NTRK1: variants seen among roughly 807,000 people sequenced by gnomAD.
The protein encoded by NTRK1 is high affinity nerve growth factor receptor.
In NTRK1, 62 loss-of-function variants were observed where a neutral mutation model predicts 86.8. The ratio of observed to expected loss-of-function variants is 0.71; its 90% confidence interval spans 0.58 to 0.88. The LOEUF (loss-of-function observed/expected upper bound fraction) is 0.88. Among genes scored for constraint, NTRK1 ranks in the 40% least tolerant of loss-of-function variants. The probability of loss-of-function intolerance (pLI) is 0.00; values close to 1 mark genes in which losing one functional copy is unlikely to be tolerated. For synonymous variants in NTRK1, 469 were observed against 456.6 expected (o/e 1.03, Z -0.35); for missense variants, 967 against 1,078.4 (o/e 0.90, Z 1.45).
At position 156,879,869 on chromosome 1, in the gene NTRK1, A is replaced by G. The variant is rs1648151758; in HGVS notation, c.2047-130A>G. On this transcript the variant is annotated intron_variant, in intron 15 of 16. Transcript: ENST00000524377. ...CGTGATTGCCCACCTCGGCCTCCCA[A>G]AGTGCTGGGATTACAGGCGTGAACC... is the stretch of plus-strand genomic sequence containing the variant. 6 of 1,188,018 alleles carry G rather than the reference A, an allele frequency of 5.1e-6. No individual in the cohort carries two copies. The South Asian group carries it at 7.9e-5, about 16-fold the overall frequency. 73.6% of individuals were successfully genotyped at this position (1,188,018 alleles called of 1,614,324 possible). A position where few individuals can be genotyped will look rare whatever the true frequency, so the allele number is the denominator to read the frequency against.
At chr1:156,857,402 C>G (rs1468849526), upstream of NTRK1, among the ~76,000 whole-genome samples, 2 of 152,170 alleles carry the variant, frequency 1.3e-5, no homozygotes, top group African/African-American at 4.8e-5. Flanking sequence ...AAAAACAAAT[C>G]TAAAACCTTC....
At chr1:156,849,354 G>T in intron 2 of NTRK1, 20 of 1,613,982 alleles carry the variant, frequency 1.2e-5, no homozygotes, top group Non-Finnish European at 1.7e-5. Context: ...CAGAGGCGCG[G>T]GTTGAAGGCG....
chr1:156,867,938 C>T (rs1341697581), intron 4 of NTRK1, among the ~76,000 whole-genome samples, 166 bp from the exon 5 acceptor site: 2 of 152,160 alleles, frequency 1.3e-5, no homozygotes, highest in Non-Finnish European at 2.9e-5. Context: ...CTCCCAATGG[C>T]CTATTTCTTT....
intron 2 of NTRK1, chr1:156,849,138 C>T (rs1268690917): frequency 1.9e-6 from 3 of 1,598,982 alleles, no homozygotes; most frequent in South Asian, 2.2e-5. Flanking sequence ...CCAGTGAGAC[C>T]TCTGAGGAGA....
intron 1 of NTRK1, 40 bp downstream of exon 1, chr1:156,861,186 C>A (rs1390534481): frequency 1.3e-6 from 2 of 1,530,738 alleles, no homozygotes; most frequent in Non-Finnish European, 8.7e-7. Flanking sequence ...CGGGGACAGG[C>A]AGGCATTGCA....
intron 1 of NTRK1, chr1:156,841,061 G>T: frequency 1.3e-6 from 2 of 1,579,992 alleles, no homozygotes; most frequent in South Asian, 2.3e-5. Flanking sequence ...AAAGATGGGC[G>T]CAGGCGTGGG....
intron 8 of NTRK1, 25 bp from the exon 9 acceptor site, chr1:156,874,358 C>A (rs746931295): frequency 6.2e-7 from 1 of 1,614,080 alleles, no homozygotes; most frequent in African/African-American, 1.3e-5. Flanking sequence ...CCTCTGACTG[C>A]TTTCTCTCCT....
chr1:156,852,690 G>A (rs530247319), intron 2 of NTRK1, among the ~76,000 whole-genome samples: 1 of 152,352 alleles, frequency 6.6e-6, no homozygotes, highest in African/African-American at 2.4e-5. Flanking sequence ...AAGCAGCAGT[G>A]GGAGGGTTTG....
chr1:156,848,879 G>T (rs181620408), intron 2 of NTRK1: 54 of 1,541,774 alleles, frequency 3.5e-5, no homozygotes, highest in Non-Finnish European at 4.6e-5. Context: ...AATTGGCCTC[G>T]TCCGGTCCCG....
At chr1:156,823,783 C>A (rs1654249720) in intron 1 of NTRK1, among the ~76,000 whole-genome samples, 1 of 152,198 alleles carries the variant, frequency 6.6e-6, no homozygotes, top group African/African-American at 2.4e-5. Flanking sequence ...GCCACCAAGT[C>A]CACTATGTTG....
chr1:156,857,784 G>T (rs189313593), upstream of NTRK1, among the ~76,000 whole-genome samples: 1 of 152,214 alleles, frequency 6.6e-6, no homozygotes, highest in Admixed American at 6.5e-5. Context: ...GCTTCAGTTT[G>T]GAGGGGAATG....
intron 1 of NTRK1, among the ~76,000 whole-genome samples, chr1:156,817,743 A>G (rs915204277): frequency 6.6e-6 from 1 of 151,634 alleles, no homozygotes; most frequent in African/African-American, 2.4e-5. Context: ...CCCAGGTTCA[A>G]GGGATTCTTG....
chr1:156,862,817 G>C (rs1457020609), intron 1 of NTRK1, among the ~76,000 whole-genome samples: 1 of 152,100 alleles, frequency 6.6e-6, no homozygotes, highest in Middle Eastern at 3.2e-3. Flanking sequence ...GCAGGGGCTG[G>C]GGGGTGGGTA....
At chr1:156,876,282 G>A (rs2102918349) in intron 13 of NTRK1, 72 bp downstream of exon 13, 2 of 1,611,778 alleles carry the variant, frequency 1.2e-6, no homozygotes, top group Non-Finnish European at 8.5e-7. Flanking sequence ...TCAGGACAGA[G>A]TGGGGGGAGA....
Position 156,876,549 on chromosome 1 carries a change from C to G in NTRK1, c.1782C>G (p.His594Gln). 6.2e-7 allele frequency: 1 copy of G among 1,612,976 alleles called. No individual in the cohort carries two copies. Among genetic ancestry groups the G allele is most frequent in the South Asian group, 1.1e-5 (1 of 91,012 alleles). ...TCATGGTCTTTGAGTATATGCGGCA[C>G]GGGGACCTCAACCGCTTCCTCCGGT... is the stretch of plus-strand genomic sequence containing the variant. ...PLLMVFEYMRHGDLNRFLRSH... is the reference protein window; with the variant it reads ...PLLMVFEYMRQGDLNRFLRSH... Residue 594 changes from histidine (H) to glutamine (Q), a missense_variant, in exon 14 of 17, where the codon CAC becomes CAG. By Grantham distance (24) the His-to-Gln change is conservative (BLOSUM62 0). Coordinates refer to ENST00000524377, the MANE Select transcript of NTRK1 (RefSeq NM_002529.4).
At chr1:156,818,004 A>G (rs980297918) in intron 1 of NTRK1, among the ~76,000 whole-genome samples, 1 of 152,138 alleles carries the variant, frequency 6.6e-6, no homozygotes, top group Non-Finnish European at 1.5e-5. Context: ...GACCAATCCC[A>G]TTTCTCTCTG....
intron 2 of NTRK1, chr1:156,846,569 G>A: frequency 1.2e-6 from 2 of 1,614,166 alleles, no homozygotes; most frequent in African/African-American, 1.3e-5. Flanking sequence ...TCCTTGATGA[G>A]GGCTGTCCTC....
upstream of NTRK1, chr1:156,860,709 C>G: frequency 1.2e-6 from 1 of 815,370 alleles, no homozygotes. Context: ...AGAAGGCTGA[C>G]GCTGGGGGCC....
chr1:156,854,362 C>T lies in NTRK1; in HGVS notation c.51-9992C>T. On this transcript the variant is annotated intron_variant, in intron 2 of 16. Coordinates refer to the NTRK1 transcript ENST00000392302. This position sits in a 1 kb window ranked among gnomAD's most constrained non-coding sequence, Gnocchi z 4.2. Reference sequence around the variant, plus strand: ...AGCCCAGGCCAAATTCCCCATCCAGCCCTGGCAGCTTTGGAGGGGAGCCAC... The same window carrying T: ...AGCCCAGGCCAAATTCCCCATCCAGTCCTGGCAGCTTTGGAGGGGAGCCAC... The T allele has an allele frequency of 6.7e-7, 1 of 1,495,044 alleles. No individual in the cohort carries two copies. The highest frequency in any genetic ancestry group is 1.3e-5 in the South Asian group (1 of 77,190). The allele number at this position is 1,495,044 out of a possible 1,614,324, so 92.6% of individuals were successfully genotyped here.
Sources: allele counts gnomAD v4.1 joint callset (sites outside exome capture counted in the v4.1 genomes callset), GRCh38; gene constraint gnomAD v4.1.1; non-coding constraint Gnocchi (gnomAD v3.1); transcripts MANE v1.5; gene names NCBI Gene and HGNC (gene_info 2026-07-23, HGNC 2026-07-21).